Variants in PLXNA4 observed in about 807,000 individuals in gnomAD.
PLXNA4 encodes plexin-A4.
In PLXNA4, 44 loss-of-function variants were observed where a neutral mutation model predicts 191.8. The observed-to-expected ratio is 0.23, with a 90% CI of 0.18 to 0.29. The LOEUF (loss-of-function observed/expected upper bound fraction) is 0.29, where lower values mean the gene tolerates loss of function less well. PLXNA4 is among the 10% of genes least tolerant of loss of function. PLXNA4 has a pLI of 1.00. For missense variants in PLXNA4, 1,800 were observed against 2,488.8 expected (o/e 0.72, Z 5.89); for synonymous variants, 1,082 against 1,009.5 (o/e 1.07, Z -1.36).
At chr7:132,511,432 C>T (rs1444554056) in intron 1 of PLXNA4, among the ~76,000 whole-genome samples, 1 of 152,178 alleles carries the variant, frequency 6.6e-6, no homozygotes, top group Non-Finnish European at 1.5e-5. Context: ...AGATAGAGCA[C>T]TTAGAAGCCC....
chr7:132,607,792 A>T (rs896432778), intron 2 of PLXNA4, among the ~76,000 whole-genome samples: 7 of 152,102 alleles, frequency 4.6e-5, no homozygotes, highest in Non-Finnish European at 8.8e-5. Context: ...CACCACCATC[A>T]TCATCATCAT....
intron 3 of PLXNA4, among the ~76,000 whole-genome samples, chr7:132,305,240 G>A (rs1047461328): frequency 7.2e-5 from 11 of 152,066 alleles, no homozygotes; most frequent in South Asian, 4.1e-4. Flanking sequence ...CAATATTAAC[G>A]ACTGGTGAGG....
chr7:132,514,201 G>A (rs1222130702), intron 1 of PLXNA4, among the ~76,000 whole-genome samples: 4 of 151,560 alleles, frequency 2.6e-5, no homozygotes, highest in Non-Finnish European at 4.4e-5. Flanking sequence ...ACAGGCGCCC[G>A]CCACCATGCT....
intron 3 of PLXNA4, among the ~76,000 whole-genome samples, chr7:132,420,539 T>G (rs938803288): frequency 3.3e-5 from 5 of 152,206 alleles, no homozygotes; most frequent in Admixed American, 6.5e-5. Flanking sequence ...CAACAAAAAG[T>G]TCTTTGCCTT....
At chr7:132,373,026 C>A (rs1268363109) in intron 3 of PLXNA4, among the ~76,000 whole-genome samples, 1 of 152,154 alleles carries the variant, frequency 6.6e-6, no homozygotes, top group Non-Finnish European at 1.5e-5. Context: ...GTGCCAGGCA[C>A]TTTTCTGAGG....
intron 3 of PLXNA4, among the ~76,000 whole-genome samples, chr7:132,427,872 C>T (rs1291653073): frequency 3.3e-5 from 5 of 152,228 alleles, no homozygotes; most frequent in Non-Finnish European, 4.4e-5. Context: ...ACCATCTCCC[C>T]GCCTCAGGGG....
At position 132,182,341 on chromosome 7, in the gene PLXNA4, T is replaced by C. The variant is rs1796736839; in HGVS notation, c.3159-151A>G. 5.2e-6 allele frequency: 7 copies of C among 1,340,926 alleles called. No individual in the cohort carries two copies. The Admixed American group carries it at 7.4e-5, about 14-fold the overall frequency. The allele number at this position is 1,340,926 out of a possible 1,614,324, so 83.1% of individuals were successfully genotyped here. ...GGACAAGGATGACAAGCTGACTGCATAGTAATAAGGATGAGTATCTCGGCA... is the reference window on the plus strand; with the variant it reads ...GGACAAGGATGACAAGCTGACTGCACAGTAATAAGGATGAGTATCTCGGCA... On this transcript the variant is annotated intron_variant, in intron 16 of 31. Transcript: ENST00000321063.
intron 12 of PLXNA4, 96 bp downstream of exon 12, chr7:132,202,550 G>C: frequency 1.5e-6 from 2 of 1,301,250 alleles, no homozygotes; most frequent in Non-Finnish European, 2.0e-6. Flanking sequence ...GTGACTACTG[G>C]GTGACCGACA....
chr7:132,438,709 C>T (rs760297082), intron 3 of PLXNA4, among the ~76,000 whole-genome samples: 21 of 152,212 alleles, frequency 1.4e-4, no homozygotes, highest in Admixed American at 4.6e-4. Flanking sequence ...CACATATTAA[C>T]ACCTCAATAG....
intron 13 of PLXNA4, among the ~76,000 whole-genome samples, chr7:132,198,227 GC>G (rs1252299710): frequency 2.6e-5 from 4 of 152,134 alleles, no homozygotes; most frequent in African/African-American, 9.7e-5. Flanking sequence ...GCGGCCTTAT[GC>G]CCCAAGTAGG....
intron 25 of PLXNA4, among the ~76,000 whole-genome samples, chr7:132,151,671 G>T (rs2116597751): frequency 6.6e-6 from 1 of 152,208 alleles, no homozygotes; most frequent in Admixed American, 6.5e-5. Context: ...AGTAGTAGTT[G>T]AAATTGTTGT....
At chr7:132,470,399 C>T (rs1796889682) in intron 3 of PLXNA4, among the ~76,000 whole-genome samples, 1 of 152,192 alleles carries the variant, frequency 6.6e-6, no homozygotes, top group Admixed American at 6.5e-5. Context: ...GTGGGCCTCT[C>T]AGTAGACCTA....
chr7:132,413,855 A>G (rs148799304), intron 3 of PLXNA4, among the ~76,000 whole-genome samples: 10 of 152,236 alleles, frequency 6.6e-5, no homozygotes, highest in African/African-American at 2.4e-4. Context: ...CCAACCCCAT[A>G]TCAACCATCC....
intron 3 of PLXNA4, among the ~76,000 whole-genome samples, chr7:132,454,033 G>C (rs1563108176): frequency 6.6e-6 from 1 of 152,194 alleles, no homozygotes; most frequent in Non-Finnish European, 1.5e-5. Context: ...CTGCTCTCTG[G>C]TGTGGGCAAC....
intron 9 of PLXNA4, among the ~76,000 whole-genome samples, chr7:132,216,497 C>G (rs1232079977): frequency 6.6e-6 from 1 of 152,200 alleles, no homozygotes; most frequent in Admixed American, 6.5e-5. Flanking sequence ...TGGTACGTTG[C>G]AACCTGGTAT....
intron 3 of PLXNA4, among the ~76,000 whole-genome samples, chr7:132,484,216 G>A (rs111597881): frequency 6.6e-6 from 1 of 152,204 alleles, no homozygotes; most frequent in Non-Finnish European, 1.5e-5. Flanking sequence ...ATTGAAACAA[G>A]GTGGGAGGAA....
intron 1 of PLXNA4, among the ~76,000 whole-genome samples, chr7:132,560,682 G>A (rs1389074850): frequency 1.3e-5 from 2 of 151,866 alleles, no homozygotes; most frequent in Non-Finnish European, 2.9e-5. Flanking sequence ...CAGCACTCCT[G>A]CCCCACCACT....
At chr7:132,253,873 C>T (rs1200216139) in intron 4 of PLXNA4, among the ~76,000 whole-genome samples, 1 of 152,176 alleles carries the variant, frequency 6.6e-6, no homozygotes, top group African/African-American at 2.4e-5. Flanking sequence ...GCCTACAGCC[C>T]CCATATGTGC....
chr7:132,327,115 G>GGGAAGAAAGGAGGGA (rs1802403436), intron 3 of PLXNA4, among the ~76,000 whole-genome samples: 1 of 79,182 alleles, frequency 1.3e-5, no homozygotes, highest in African/African-American at 3.8e-5. Flanking sequence ...AAAGAAATGT[G>GGGAAGAAAGGAGGGA]GAAGGAAAAG....
Sources: allele counts gnomAD v4.1 joint callset (sites outside exome capture counted in the v4.1 genomes callset), GRCh38; gene constraint gnomAD v4.1.1; transcripts MANE v1.5; gene names NCBI Gene and HGNC (gene_info 2026-07-23, HGNC 2026-07-21).